Variants in SHISA9 observed in about 807,000 individuals in gnomAD.
SHISA9 encodes protein shisa-9.
A neutral mutation model predicts 38.0 loss-of-function variants in SHISA9; 13 were observed. That is an observed-to-expected ratio of 0.34 (90% CI 0.22 to 0.54). The LOEUF (loss-of-function observed/expected upper bound fraction) is 0.54. Ranked by LOEUF, SHISA9 falls within the 20% of genes least tolerant of loss-of-function variation. The pLI, the probability that SHISA9 is intolerant of heterozygous loss-of-function variation, is 0.91. For missense variants in SHISA9, 538 were observed against 575.8 expected (o/e 0.93, Z 0.67); for synonymous variants, 275 against 242.0 (o/e 1.14, Z -1.27).
intron 2 of SHISA9, among the ~76,000 whole-genome samples, chr16:12,981,056 C>T (rs2072233744): frequency 6.6e-6 from 1 of 152,020 alleles, no homozygotes; most frequent in African/African-American, 2.4e-5. Flanking sequence ...TGTTGTTTTT[C>T]TTTCAAAATG....
At chr16:13,153,088 T>C (rs148019073) in intron 2 of SHISA9, among the ~76,000 whole-genome samples, 1 of 152,176 alleles carries the variant, frequency 6.6e-6, no homozygotes, top group East Asian at 1.9e-4. Context: ...AAGAAAATGA[T>C]CCTACCCTCA....
intron 2 of SHISA9, among the ~76,000 whole-genome samples, chr16:12,945,368 T>G (rs1014142275): frequency 6.6e-6 from 1 of 152,256 alleles, no homozygotes; most frequent in Admixed American, 6.5e-5. Flanking sequence ...ACATGATGAA[T>G]GGGAATGGAT....
intron 2 of SHISA9, among the ~76,000 whole-genome samples, chr16:13,112,169 A>T (rs1440906322): frequency 1.3e-5 from 2 of 152,182 alleles, no homozygotes; most frequent in East Asian, 3.9e-4. Flanking sequence ...ATTCGTCAGA[A>T]AAAGGCCTGA....
the SHISA9 span, among the ~76,000 whole-genome samples, chr16:13,394,010 C>T: frequency 6.6e-6 from 1 of 152,324 alleles, no homozygotes; most frequent in Non-Finnish European, 1.5e-5. Flanking sequence ...ACGTGACCTT[C>T]CCACCCCATT....
At chr16:13,182,776 T>C (rs570370031) in intron 2 of SHISA9, among the ~76,000 whole-genome samples, 40 of 152,184 alleles carry the variant, frequency 2.6e-4, no homozygotes, top group Admixed American at 2.3e-3. Context: ...GATATTGTGA[T>C]GACCATCTTT....
intron 2 of SHISA9, among the ~76,000 whole-genome samples, chr16:13,072,004 G>A (rs1170243639): frequency 6.6e-6 from 1 of 152,096 alleles, no homozygotes; most frequent in Non-Finnish European, 1.5e-5. Context: ...GCCCACTGTT[G>A]CTCACTGTTG....
the SHISA9 span, among the ~76,000 whole-genome samples, chr16:13,410,208 T>C: frequency 6.6e-6 from 1 of 152,348 alleles, no homozygotes; most frequent in East Asian, 1.9e-4. Context: ...TTGTTCAGGA[T>C]AGGTCTTTAG....
At chr16:13,316,581 C>T in the SHISA9 span, among the ~76,000 whole-genome samples, 4 of 152,146 alleles carry the variant, frequency 2.6e-5, no homozygotes, top group South Asian at 6.2e-4. Flanking sequence ...ACTATATCAC[C>T]GAATCTAAAA....
chr16:13,174,475 C>T (rs2050714681), intron 2 of SHISA9, among the ~76,000 whole-genome samples: 1 of 152,180 alleles, frequency 6.6e-6, no homozygotes, highest in South Asian at 2.1e-4. Flanking sequence ...CCATGTTGGT[C>T]CTCAGAGAGA....
At chr16:12,970,193 A>T (rs1267942258) in intron 2 of SHISA9, among the ~76,000 whole-genome samples, 1 of 148,324 alleles carries the variant, frequency 6.7e-6, no homozygotes, top group Non-Finnish European at 1.5e-5. Context: ...TTTCAATGAC[A>T]GATTTAGGGG....
the SHISA9 span, chr16:13,246,310 A>C: frequency 1.3e-5 from 2 of 152,042 alleles, no homozygotes; most frequent in Admixed American, 6.6e-5. Flanking sequence ...CTTGGCTCCA[A>C]TTCTTCTCCA....
At chr16:13,335,789 A>G in the SHISA9 span, among the ~76,000 whole-genome samples, 1 of 152,156 alleles carries the variant, frequency 6.6e-6, no homozygotes. Flanking sequence ...TAGGAATCAC[A>G]GAGTGAAGGC....
chr16:13,191,835 G>A (rs1016567418), intron 2 of SHISA9, among the ~76,000 whole-genome samples: 2 of 152,158 alleles, frequency 1.3e-5, no homozygotes, highest in Non-Finnish European at 2.9e-5. Flanking sequence ...CAAAAGCATG[G>A]TCCCTCTTGA....
At chr16:13,303,404 A>G in the SHISA9 span, among the ~76,000 whole-genome samples, 1 of 152,234 alleles carries the variant, frequency 6.6e-6, no homozygotes, top group African/African-American at 2.4e-5. Flanking sequence ...GCTCAGCCAT[A>G]AAAAGGAATA....
chr16:13,212,118 G>C (rs1403349173), intron 3 of SHISA9, among the ~76,000 whole-genome samples: 1 of 152,136 alleles, frequency 6.6e-6, no homozygotes, highest in East Asian at 1.9e-4. Flanking sequence ...AATGGGGCCG[G>C]ATCTGTGCTC....
chr16:13,136,812 C>T (rs1343566642), intron 2 of SHISA9, among the ~76,000 whole-genome samples: 1 of 152,088 alleles, frequency 6.6e-6, no homozygotes, highest in South Asian at 2.1e-4. Flanking sequence ...CCTTTTGTTC[C>T]CTCCTATGCC....
chr16:13,523,730 C>CCCATGAT, the SHISA9 span, among the ~76,000 whole-genome samples: 11 of 152,174 alleles, frequency 7.2e-5, no homozygotes, highest in African/African-American at 2.7e-4. Context: ...AGAAACCACC[C>CCCATGAT]CCATGATCCA....
chr16:13,472,065 T>G, the SHISA9 span, among the ~76,000 whole-genome samples: 1 of 152,188 alleles, frequency 6.6e-6, no homozygotes, highest in Non-Finnish European at 1.5e-5. Flanking sequence ...ATGAGTAAAC[T>G]CTTCTTGAAA....
At chr16:13,123,135 G>T (rs1390641670) in intron 2 of SHISA9, among the ~76,000 whole-genome samples, 1 of 150,888 alleles carries the variant, frequency 6.6e-6, no homozygotes, top group African/African-American at 2.4e-5. Context: ...ATAGAACTAG[G>T]ATTTGAGAAC....
Sources: gnomAD v4.1 joint callset for allele counts (sites outside exome capture counted in the v4.1 genomes callset) on GRCh38, gnomAD v4.1.1 for gene constraint, MANE v1.5 for transcripts, NCBI Gene and HGNC (gene_info 2026-07-23, HGNC 2026-07-21) for gene names.